The following JAZF1 variants were observed in gnomAD, a reference collection of about 807,000 sequenced individuals.
JAZF1 encodes JAZF zinc finger 1.
A neutral mutation model predicts 26.4 loss-of-function variants in JAZF1; 8 were observed. The ratio of observed to expected loss-of-function variants is 0.30; its 90% CI spans 0.18 to 0.55. The LOEUF (loss-of-function observed/expected upper bound fraction) is 0.55. Ranked by LOEUF, JAZF1 falls within the 20% of genes least tolerant of loss-of-function variation. JAZF1 has a pLI of 0.94. For synonymous variants in JAZF1, 126 were observed against 122.3 expected, an observed-to-expected ratio of 1.03 and a Z score of -0.20; for missense variants, 199 against 322.0, an observed-to-expected ratio of 0.62 and a Z score of 2.92.
At chr7:27,933,462 T>A (rs1784716741) in intron 2 of JAZF1, among the ~76,000 whole-genome samples, 1 of 152,222 alleles carries the variant, frequency 6.6e-6, no homozygotes. Context: ...CTCTCCAGTT[T>A]ATTACAAAAA....
At chr7:28,110,513 G>A (rs200769955) in intron 1 of JAZF1, among the ~76,000 whole-genome samples, 1,987 of 61,106 alleles carry the variant, frequency 0.033, 47 homozygotes, top group African/African-American at 0.069. Context: ...GAAAAGGAAA[G>A]GAAAAGGAAA....
At chr7:27,842,788 A>G (rs1782945686) in intron 3 of JAZF1, 1 of 152,230 alleles carries the variant, frequency 6.6e-6, no homozygotes, top group Admixed American at 6.5e-5. Context: ...GCTATTTCGC[A>G]AAGCTCCTCC....
chr7:27,955,798 A>G (rs1469208649), intron 2 of JAZF1, among the ~76,000 whole-genome samples: 1 of 152,188 alleles, frequency 6.6e-6, no homozygotes, highest in African/African-American at 2.4e-5. Context: ...AGCACTCCCT[A>G]AAGGGTGGTG....
rs140688059 is a variant in JAZF1, at chr7:27,841,012, C to T, written c.386-145G>A. On this transcript the variant is annotated intron_variant, in intron 3 of 4. Transcript: ENST00000283928. ...GGGCACTCCCGGCACCAGGGGACTG[C>T]AAACACGGCTATTCCCTTACAACCC... is the stretch of plus-strand genomic sequence containing the variant. The T allele has an allele frequency of 2.7e-3, 1,951 of 723,614 alleles. 24 individuals are homozygous for T. The African/African-American group carries it at 0.031, about 11-fold the overall frequency. The allele number at this position is 723,614 out of a possible 1,614,324, so 44.8% of individuals were successfully genotyped here. A position where few individuals can be genotyped will look rare whatever the true frequency, so the allele number is the denominator to read the frequency against.
In JAZF1 at chr7:27,909,115, T is replaced by A. The variant is rs563692776; in HGVS notation, c.189-13699A>T. On this transcript the variant is annotated intron_variant, in intron 2 of 4. Transcript: ENST00000283928. ...GCCTCGACCTGCTGGGCTCAAGCAA[T>A]CTTCCTGCCTCAGCCTCTTGAGTAG... Among the ~76,000 whole-genome samples, 4 of 146,402 alleles carry A rather than the reference T, an allele frequency of 2.7e-5. No individual in the cohort carries two copies. The South Asian group carries it at 8.3e-4, about 30-fold the overall frequency.
intron 1 of JAZF1, among the ~76,000 whole-genome samples, chr7:28,015,444 T>G (rs1782874335): frequency 6.6e-6 from 1 of 152,206 alleles, no homozygotes; most frequent in Admixed American, 6.5e-5. Context: ...TAGGGAAAAC[T>G]CGGCATGGGA....
chr7:27,974,622 C>T (rs73683921), intron 2 of JAZF1, among the ~76,000 whole-genome samples: 4,218 of 152,180 alleles, frequency 0.028, 193 homozygotes, highest in African/African-American at 0.097. Context: ...TCTCCACGTC[C>T]ACTAAGTAGA....
Position 27,943,399 on chromosome 7 carries a change from GC to G in JAZF1, c.189-47984del, listed in dbSNP as rs140028348. Among the ~76,000 whole-genome samples the G allele has an allele frequency of 6.6e-3, 1,000 of 152,242 alleles. 17 individuals are homozygous for G. The highest frequency in any genetic ancestry group is 0.023 in the African/African-American group (952 of 41,534). On this transcript the variant is annotated intron_variant, in intron 2 of 4. Coordinates refer to ENST00000283928, the MANE Select transcript of JAZF1 (RefSeq NM_175061.4). ...TAGACGCCTCCGCTGCTAGCTGGAGGCCGCGCACTGGATGGCTAATGAGGCC... is the reference window on the plus strand; with the variant it reads ...TAGACGCCTCCGCTGCTAGCTGGAGGCGCGCACTGGATGGCTAATGAGGCC...
At chr7:28,141,126 C>T (rs1217619447) in intron 1 of JAZF1, among the ~76,000 whole-genome samples, 2 of 152,154 alleles carry the variant, frequency 1.3e-5, no homozygotes, top group African/African-American at 4.8e-5. Flanking sequence ...GATGCAGCCA[C>T]AGCCCTGTAT....
intron 1 of JAZF1, among the ~76,000 whole-genome samples, chr7:28,032,007 G>A (rs1230473899): frequency 6.6e-6 from 1 of 152,218 alleles, no homozygotes; most frequent in African/African-American, 2.4e-5. Context: ...CTTTCTGCGT[G>A]TGGGAGGCTT....
intron 4 of JAZF1, among the ~76,000 whole-genome samples, chr7:27,838,467 T>C (rs1201643236): frequency 6.6e-6 from 1 of 152,030 alleles, no homozygotes; most frequent in Non-Finnish European, 1.5e-5. Context: ...TAGATCCTGG[T>C]CAGTGCCCAG....
At chr7:28,052,800 C>T (rs1363695402) in intron 1 of JAZF1, among the ~76,000 whole-genome samples, 1 of 148,786 alleles carries the variant, frequency 6.7e-6, no homozygotes, top group African/African-American at 2.5e-5. Flanking sequence ...AAAGAAACAG[C>T]GACAAGTATG....
intron 1 of JAZF1, among the ~76,000 whole-genome samples, chr7:28,063,011 T>C (rs558115870): frequency 2.0e-5 from 3 of 152,322 alleles, no homozygotes; most frequent in South Asian, 4.1e-4. Flanking sequence ...TTGAAAAACT[T>C]TGAATGATGC....
At chr7:27,930,904 G>C (rs1334083770) in intron 2 of JAZF1, among the ~76,000 whole-genome samples, 2 of 151,964 alleles carry the variant, frequency 1.3e-5, no homozygotes. Flanking sequence ...CAGGACAGTG[G>C]TATTATATGA....
chr7:27,833,454 A>G (rs1348386818), intron 4 of JAZF1, among the ~76,000 whole-genome samples: 1 of 152,202 alleles, frequency 6.6e-6, no homozygotes, highest in Non-Finnish European at 1.5e-5. Context: ...TTGCTTCTAG[A>G]TAACTGTGTT....
intron 2 of JAZF1, among the ~76,000 whole-genome samples, chr7:27,981,341 G>C (rs1279306401): frequency 1.3e-5 from 2 of 152,106 alleles, no homozygotes; most frequent in Admixed American, 6.6e-5. Flanking sequence ...AACATTCTGT[G>C]GGACAACAAG....
chr7:28,011,646 C>T (rs552472499), intron 1 of JAZF1, among the ~76,000 whole-genome samples: 2 of 152,026 alleles, frequency 1.3e-5, no homozygotes, highest in South Asian at 2.1e-4. Context: ...GTAATCAGAG[C>T]GCAGGGAAAT....
At chr7:27,947,552 A>G (rs1384168177) in intron 2 of JAZF1, among the ~76,000 whole-genome samples, 1 of 152,214 alleles carries the variant, frequency 6.6e-6, no homozygotes, top group African/African-American at 2.4e-5. Flanking sequence ...ACTTCTTGAC[A>G]GTTCACATAA....
chr7:27,897,090 T>TG (rs199564332), intron 2 of JAZF1, among the ~76,000 whole-genome samples: 23 of 152,054 alleles, frequency 1.5e-4, no homozygotes, highest in African/African-American at 5.1e-4. Flanking sequence ...GCTTTTTTTT[T>TG]TATTATCCTA....
Sources: allele counts gnomAD v4.1 joint callset (sites outside exome capture counted in the v4.1 genomes callset), GRCh38; gene constraint gnomAD v4.1.1; transcripts MANE v1.5; gene names NCBI Gene and HGNC (gene_info 2026-07-23, HGNC 2026-07-21).